The following PDE6A variants were observed in gnomAD, a reference collection of about 807,000 sequenced individuals.
PDE6A encodes rod cGMP-specific 3',5'-cyclic phosphodiesterase subunit alpha.
In PDE6A, 84 loss-of-function variants were observed where a neutral mutation model predicts 106.3. That is an observed-to-expected ratio of 0.79 (90% CI 0.66 to 0.95). PDE6A has a LOEUF of 0.95. Ranked by LOEUF, PDE6A falls within the 40% of genes least tolerant of loss-of-function variation. PDE6A has a pLI of 0.00. For synonymous variants in PDE6A, 394 were observed against 386.6 expected, an observed-to-expected ratio of 1.02 and a Z score of -0.23; for missense variants, 1,052 against 1,084.9, an observed-to-expected ratio of 0.97 and a Z score of 0.43.
chr5:149,943,737 AGTACTGTGGAAGTACTGTGGAG>A (rs1191640263), intron 1 of PDE6A, among the ~76,000 whole-genome samples: 1 of 151,372 alleles, frequency 6.6e-6, no homozygotes, highest in Non-Finnish European at 1.5e-5. Flanking sequence ...ACTGTGTGGA[AGTACTGTGGAAGTACTGTGGAG>A]GTACTGTGGA....
chr5:149,914,390 G>A (rs899032194), intron 6 of PDE6A, among the ~76,000 whole-genome samples: 4 of 152,170 alleles, frequency 2.6e-5, no homozygotes, highest in Non-Finnish European at 5.9e-5. Flanking sequence ...TAATGTACCT[G>A]CAGTTTTCCA....
chr5:149,928,208 GCTATATATATAT>G (rs1335722811), intron 4 of PDE6A, among the ~76,000 whole-genome samples: 1 of 57,728 alleles, frequency 1.7e-5, no homozygotes, highest in Non-Finnish European at 3.1e-5. Context: ...AATTGTATGT[GCTATATATATAT>G]ATATATATAT....
intron 17 of PDE6A, among the ~76,000 whole-genome samples, chr5:149,882,353 C>T (rs1364636307): frequency 6.6e-6 from 1 of 151,998 alleles, no homozygotes; most frequent in Non-Finnish European, 1.5e-5. Context: ...TCCACAGAAG[C>T]ATCTGGGGAT....
intron 5 of PDE6A, among the ~76,000 whole-genome samples, chr5:149,920,536 C>T (rs1430494781): frequency 8.5e-5 from 13 of 152,068 alleles, no homozygotes; most frequent in African/African-American, 2.7e-4. Flanking sequence ...GCCAAGATCA[C>T]GCCATTGCAC....
At chr5:149,933,344 C>G (rs565698935) in intron 3 of PDE6A, among the ~76,000 whole-genome samples, 5 of 152,138 alleles carry the variant, frequency 3.3e-5, no homozygotes, top group South Asian at 4.2e-4. Context: ...AGGCTGGTCT[C>G]GAACTTCTGG....
intron 20 of PDE6A, among the ~76,000 whole-genome samples, chr5:149,865,650 T>TGACACTGG (rs1290099433): frequency 6.6e-6 from 1 of 152,190 alleles, no homozygotes; most frequent in Non-Finnish European, 1.5e-5. Context: ...CTAAGTCCAG[T>TGACACTGG]GACACTGGCC....
intron 1 of PDE6A, among the ~76,000 whole-genome samples, chr5:149,942,185 A>G (rs1754344523): frequency 6.6e-6 from 1 of 151,720 alleles, no homozygotes; most frequent in Non-Finnish European, 1.5e-5. Context: ...CTGGTCTCAA[A>G]TTTCTGGGCT....
At chr5:149,937,552 A>AT (rs1038772788) in intron 1 of PDE6A, among the ~76,000 whole-genome samples, 5 of 152,014 alleles carry the variant, frequency 3.3e-5, no homozygotes, top group African/African-American at 9.7e-5. Flanking sequence ...TAATTTTTGT[A>AT]TTTTTTGTAA....
chr5:149,915,706 A>C (rs1231684021), intron 5 of PDE6A, among the ~76,000 whole-genome samples: 2 of 152,248 alleles, frequency 1.3e-5, no homozygotes, highest in Non-Finnish European at 2.9e-5. Flanking sequence ...CATTTTTGTC[A>C]TACCCAAATA....
intron 1 of PDE6A, among the ~76,000 whole-genome samples, chr5:149,935,938 G>A (rs73269787): frequency 1.4e-3 from 209 of 152,268 alleles, no homozygotes; most frequent in African/African-American, 4.9e-3. Context: ...TATTGCTTGC[G>A]TTCAGTAGTC....
At chr5:149,872,808 T>C (rs981794118) in intron 17 of PDE6A, among the ~76,000 whole-genome samples, 12 of 152,190 alleles carry the variant, frequency 7.9e-5, no homozygotes, top group African/African-American at 2.9e-4. Context: ...CTAAGTCACA[T>C]TGTCTCTCTG....
chr5:149,896,596 G>C, intron 11 of PDE6A, 94 bp from the exon 12 acceptor site: 2 of 1,613,668 alleles, frequency 1.2e-6, no homozygotes, highest in Non-Finnish European at 1.7e-6. Flanking sequence ...GGGTCTGCTG[G>C]AAGGATCAGA....
At chr5:149,938,380 G>T (rs142555489) in intron 1 of PDE6A, among the ~76,000 whole-genome samples, 1 of 152,276 alleles carries the variant, frequency 6.6e-6, no homozygotes, top group African/African-American at 2.4e-5. Flanking sequence ...TACAAATGAC[G>T]GTCATCTCAG....
intron 1 of PDE6A, among the ~76,000 whole-genome samples, chr5:149,939,567 C>T (rs535514817): frequency 1.3e-5 from 2 of 152,258 alleles, no homozygotes; most frequent in African/African-American, 4.8e-5. Context: ...TAATAAGGAA[C>T]GGGAGCTGCC....
At chr5:149,875,598 C>T (rs10476923) in intron 17 of PDE6A, among the ~76,000 whole-genome samples, 25,247 of 151,548 alleles carry the variant, frequency 0.17, 3,985 homozygotes, top group African/African-American at 0.41. Context: ...CAAGCAGTCC[C>T]TCCACCTCAG....
In PDE6A at chr5:149,933,850, A is replaced by T. The variant is rs2113660277; in HGVS notation, c.717+80T>A. The T allele has an allele frequency of 8.8e-6, 9 of 1,019,108 alleles. 1 individual carries two copies. Among genetic ancestry groups the T allele is most frequent in the Middle Eastern group, 4.9e-4 (2 of 4,056 alleles). The allele number at this position is 1,019,108 out of a possible 1,614,324, so 63.1% of individuals were successfully genotyped here. ...TGGCTTCCTAGGCACCTTCATTCCC[A>T]TCTGCCTGCCAGTCCTGACCACATC... is the stretch of plus-strand genomic sequence containing the variant. On this transcript the variant is annotated intron_variant, in intron 3 of 21. Transcript: ENST00000255266.
intron 1 of PDE6A, among the ~76,000 whole-genome samples, chr5:149,939,667 T>C (rs577025950): frequency 6.6e-6 from 1 of 152,338 alleles, no homozygotes; most frequent in African/African-American, 2.4e-5. Context: ...GTAGCTCTTA[T>C]TTCCCCATTT....
At chr5:149,861,274 G>C (rs1760131111) in intron 21 of PDE6A, among the ~76,000 whole-genome samples, 1 of 152,236 alleles carries the variant, frequency 6.6e-6, no homozygotes, top group South Asian at 2.1e-4. Flanking sequence ...AAAGGGGGCA[G>C]TTGCCACTCG....
intron 5 of PDE6A, among the ~76,000 whole-genome samples, chr5:149,916,662 G>A (rs1753564952): frequency 6.6e-6 from 1 of 152,088 alleles, no homozygotes; most frequent in African/African-American, 2.4e-5. Flanking sequence ...GCTCTCCAGG[G>A]GAAATTCTAT....
Sources: allele counts gnomAD v4.1 joint callset (sites outside exome capture counted in the v4.1 genomes callset), GRCh38; gene constraint gnomAD v4.1.1; transcripts MANE v1.5; gene names NCBI Gene and HGNC (gene_info 2026-07-23, HGNC 2026-07-21).